Variants in HMGCS1 observed in about 807,000 individuals in gnomAD.
The protein encoded by HMGCS1 is 3-hydroxy-3-methylglutaryl-CoA synthase 1.
In HMGCS1, 9 loss-of-function variants were observed where a neutral mutation model predicts 52.3. That is an observed-to-expected ratio of 0.17 (90% CI 0.10 to 0.30). The LOEUF (loss-of-function observed/expected upper bound fraction) is 0.30, where lower values mean the gene tolerates loss of function less well. Ranked by LOEUF, HMGCS1 falls within the 10% of genes least tolerant of loss-of-function variation. The probability of loss-of-function intolerance (pLI) is 1.00; values close to 1 mark genes in which losing one functional copy is unlikely to be tolerated. For synonymous variants in HMGCS1, 176 were observed against 214.4 expected, an observed-to-expected ratio of 0.82 and a Z score of 1.57; for missense variants, 320 against 620.9, an observed-to-expected ratio of 0.52 and a Z score of 5.15.
chr5:43,305,145 C>G (rs909673398), intron 2 of HMGCS1, among the ~76,000 whole-genome samples: 1 of 152,032 alleles, frequency 6.6e-6, no homozygotes, highest in African/African-American at 2.4e-5. Context: ...TGCCACCACA[C>G]CCAGCTGATT....
intron 2 of HMGCS1, among the ~76,000 whole-genome samples, chr5:43,300,083 C>T (rs987531176): frequency 1.3e-5 from 2 of 152,176 alleles, no homozygotes; most frequent in African/African-American, 4.8e-5. Flanking sequence ...GGTGCTGCCA[C>T]TGACAAGAAC....
Position 43,291,079 on chromosome 5 carries a change from A to ACCCCCCCCCCCCTGCC in HMGCS1, c.*51_*52insGGCAGGGGGGGGGGGG. On this transcript the variant is annotated 3_prime_UTR_variant, in exon 11 of 11. Transcript: ENST00000325110. The stretch of plus-strand genomic sequence containing the variant: ...ATCCCATTCCTCCAACTGTTCCCAT[A>ACCCCCCCCCCCCTGCC]CCCCCACCCCATGCCCACCCCACCC... The ACCCCCCCCCCCCTGCC allele has an allele frequency of 1.3e-6, 1 of 780,104 alleles. No homozygotes were observed. The highest frequency in any genetic ancestry group is 1.8e-5 in the Admixed American group (1 of 56,506). 48.3% of individuals were successfully genotyped at this position (780,104 alleles called of 1,614,324 possible).
intron 10 of HMGCS1, among the ~76,000 whole-genome samples, chr5:43,291,757 CG>C (rs973255348): frequency 6.6e-6 from 1 of 151,950 alleles, no homozygotes; most frequent in Non-Finnish European, 1.5e-5. Flanking sequence ...AATAAGAAAA[CG>C]TAAGTAAAGT....
rs571253406 is a variant in HMGCS1 at position 43,312,207 on chromosome 5, T to A, written c.-70+1149A>T. Among the ~76,000 whole-genome samples, 16 of 152,334 alleles carry A rather than the reference T, an allele frequency of 1.1e-4. 1 individual carries two copies. The South Asian group carries it at 3.1e-3, about 30-fold the overall frequency. On this transcript the variant is annotated intron_variant, in intron 1 of 10. Coordinates refer to ENST00000325110, the MANE Select transcript of HMGCS1 (RefSeq NM_001098272.3). ...TCTGTTAACTCTAGGAGCACTTCCA[T>A]TTGTCTTAATTTTGTTGTTTATCTT...
At position 43,292,526 on chromosome 5, in the gene HMGCS1, T is replaced by A. The variant is rs368814700; in HGVS notation, c.1421A>T (p.Asp474Val). Reference protein sequence around the residue: ...RTYARRPTPNDDTLDEGVGLV... With the variant: ...RTYARRPTPNVDTLDEGVGLV... ...TCCTACTCCTTCATCCAAAGTGTCA[T>A]CATTTGGAGTGGGACGCCGAGCGTA... is the stretch of plus-strand genomic sequence containing the variant. The change falls in exon 10 of 11, where the codon GAT becomes GTT. Residue 474 changes from aspartate (D) to valine (V), a missense_variant. Physicochemically the swap from Asp to Val is radical, Grantham distance 152. Around this residue, in one of 3 missense-constraint regions of HMGCS1, gnomAD observed 213 missense variants for 337.4 expected, o/e 0.63. Transcript: ENST00000325110. 11 of 1,613,908 alleles carry A rather than the reference T, an allele frequency of 6.8e-6. No individual in the cohort carries two copies. In the Admixed American group the frequency reaches 1.3e-4, roughly 20 times the overall value.
At chr5:43,312,121 A>G (rs1303822154) in intron 1 of HMGCS1, among the ~76,000 whole-genome samples, 2 of 152,250 alleles carry the variant, frequency 1.3e-5, no homozygotes, top group African/African-American at 4.8e-5. Flanking sequence ...ACGACTTTCA[A>G]CTGCCTCTCA....
At position 43,298,568 on chromosome 5, in the gene HMGCS1, G is replaced by A; in HGVS notation, c.398C>T (p.Thr133Ile). The stretch of plus-strand genomic sequence containing the variant: ...GTTAACAGCATTGAAGACAGCAGCT[G>A]TGCCTCCATAGCATGCATTAGTTGT... Reference protein sequence around the residue: ...IDTTNACYGGTAAVFNAVNWI... With the variant: ...IDTTNACYGGIAAVFNAVNWI... The change falls in exon 3 of 11, where the codon ACA (threonine) becomes ATA (isoleucine). Residue 133 changes from threonine (T) to isoleucine (I), a missense_variant. Thr to Ile is a moderately conservative substitution (Grantham distance 89). Around this residue, in one of 3 missense-constraint regions of HMGCS1, gnomAD observed 85 missense variants for 260.0 expected, o/e 0.33. Coordinates refer to ENST00000325110, the MANE Select transcript of HMGCS1 (RefSeq NM_001098272.3). The surrounding 1 kb of genome is among the most constrained non-coding windows in gnomAD (Gnocchi z 5.6). 6.2e-7 allele frequency: 1 copy of A among 1,614,138 alleles called. No individual in the cohort carries two copies.
chr5:43,293,221 TA>T (rs1462512710), intron 8 of HMGCS1, among the ~76,000 whole-genome samples: 1 of 152,224 alleles, frequency 6.6e-6, no homozygotes. Flanking sequence ...AAACTATAAA[TA>T]ACTTGTCTAC....
rs1306270416 is a variant in HMGCS1, at chr5:43,289,977, T to C, written c.*1154A>G. 6.6e-6 allele frequency: 1 copy of C among 152,520 alleles called. No individual in the cohort carries two copies. Among genetic ancestry groups the C allele is most frequent in the Non-Finnish European group, 1.5e-5 (1 of 68,012 alleles). The allele number at this position is 152,520 out of a possible 1,614,324, so 9.4% of individuals were successfully genotyped here. A position where few individuals can be genotyped will look rare whatever the true frequency, so the allele number is the denominator to read the frequency against. Reference sequence around the variant, plus strand: ...TCTTCTTATCTATCCTGTGTGATAGTTTTGTTTGTTGTTGTTTTTTAAGGT... The same window carrying C: ...TCTTCTTATCTATCCTGTGTGATAGCTTTGTTTGTTGTTGTTTTTTAAGGT... On this transcript the variant is annotated 3_prime_UTR_variant, in exon 11 of 11. Coordinates refer to ENST00000325110, the MANE Select transcript of HMGCS1 (RefSeq NM_001098272.3).
chr5:43,309,164 A>G (rs1246935181), intron 1 of HMGCS1, among the ~76,000 whole-genome samples: 1 of 151,594 alleles, frequency 6.6e-6, no homozygotes, highest in Non-Finnish European at 1.5e-5. Context: ...TGCATTTGAC[A>G]CTACTTGTAT....
intron 2 of HMGCS1, among the ~76,000 whole-genome samples, chr5:43,306,013 C>A (rs1754556353): frequency 6.6e-6 from 1 of 151,944 alleles, no homozygotes; most frequent in African/African-American, 2.4e-5. Context: ...TTTTTAAATT[C>A]TATCCTTAAA....
Position 43,298,167 on chromosome 5 carries a change from G to T in HMGCS1, c.449-33C>A. The stretch of plus-strand genomic sequence containing the variant: ...ATATTTTTTGTTATTTCACAAGAAG[G>T]AATTCAACACTATAACCAAACATGG... On this transcript the variant is annotated intron_variant, in intron 3 of 10. Coordinates refer to ENST00000325110, the MANE Select transcript of HMGCS1 (RefSeq NM_001098272.3). This position sits in a 1 kb window ranked among gnomAD's most constrained non-coding sequence, Gnocchi z 5.6. 6.3e-7 allele frequency: 1 copy of T among 1,584,424 alleles called. No individual in the cohort carries two copies.
chr5:43,288,923 G>A lies in HMGCS1; in HGVS notation c.*2208C>T, dbSNP rs1407034736. 6.6e-6 allele frequency: 1 copy of A among 152,082 alleles called. No homozygotes were observed. The highest frequency in any genetic ancestry group is 1.5e-5 in the Non-Finnish European group (1 of 68,000). 9.4% of individuals were successfully genotyped at this position (152,082 alleles called of 1,614,324 possible). On this transcript the variant is annotated 3_prime_UTR_variant, in exon 11 of 11. Transcript: ENST00000325110. ...AGGGATTCCTTCTATAAAACCCCTGGGGATCACTAGCAACATGGGACTTTT... is the reference window on the plus strand; with the variant it reads ...AGGGATTCCTTCTATAAAACCCCTGAGGATCACTAGCAACATGGGACTTTT...
intron 2 of HMGCS1, among the ~76,000 whole-genome samples, chr5:43,305,402 G>A (rs1441778302): frequency 6.6e-6 from 1 of 152,194 alleles, no homozygotes; most frequent in African/African-American, 2.4e-5. Context: ...CTAGCTACAG[G>A]TCTGAGGTGC....
Position 43,291,085 on chromosome 5 carries a change from A to ACCCCCAACCCCCCCC in HMGCS1, c.*45_*46insGGGGGGGGTTGGGGG. 1 of 514,254 alleles carries ACCCCCAACCCCCCCC rather than the reference A, an allele frequency of 1.9e-6. No homozygotes were observed. Among genetic ancestry groups the ACCCCCAACCCCCCCC allele is most frequent in the Non-Finnish European group, 3.9e-6 (1 of 255,674 alleles). The allele number at this position is 514,254 out of a possible 1,614,324, so 31.9% of individuals were successfully genotyped here. On this transcript the variant is annotated 3_prime_UTR_variant, in exon 11 of 11. Coordinates refer to ENST00000325110, the MANE Select transcript of HMGCS1 (RefSeq NM_001098272.3). ...TTCCTCCAACTGTTCCCATACCCCCACCCCATGCCCACCCCACCCTGAAGT... is the reference window on the plus strand; with the variant it reads ...TTCCTCCAACTGTTCCCATACCCCCACCCCCAACCCCCCCCCCCCATGCCCACCCCACCCTGAAGT...
intron 2 of HMGCS1, among the ~76,000 whole-genome samples, chr5:43,306,751 C>A (rs977825115): frequency 3.3e-5 from 5 of 152,206 alleles, no homozygotes; most frequent in Non-Finnish European, 7.3e-5. Context: ...TGCCAAGTTT[C>A]TCCTCTATTA....
chr5:43,298,506 C>T lies in HMGCS1; in HGVS notation c.448+12G>A, dbSNP rs1310122620. The T allele has an allele frequency of 3.7e-6, 6 of 1,601,342 alleles. No individual in the cohort carries two copies. Among genetic ancestry groups the T allele is most frequent in the Middle Eastern group, 1.7e-4 (1 of 5,982 alleles). ...ATTTTGGGGGACGGCGGGGAATAGGCATGTAACATACCATCCCAAGAGCTG... is the reference window on the plus strand; with the variant it reads ...ATTTTGGGGGACGGCGGGGAATAGGTATGTAACATACCATCCCAAGAGCTG... On this transcript the variant is annotated intron_variant, in intron 3 of 10. Coordinates refer to ENST00000325110, the MANE Select transcript of HMGCS1 (RefSeq NM_001098272.3). The surrounding 1 kb of genome is among the most constrained non-coding windows in gnomAD (Gnocchi z 5.6).
Position 43,294,008 on chromosome 5 carries a change from C to T in HMGCS1, c.1183+48G>A, listed in dbSNP as rs758780574. 6.4e-6 allele frequency: 8 copies of T among 1,254,168 alleles called. No individual in the cohort carries two copies. The Admixed American group carries it at 1.4e-4, about 21-fold the overall frequency. The allele number at this position is 1,254,168 out of a possible 1,614,324, so 77.7% of individuals were successfully genotyped here. ...GGGATTACGGGTGTGAGCCACTGTG[C>T]CTGGACTCAGTTCTCAATACATTCT... On this transcript the variant is annotated intron_variant, in intron 8 of 10. Coordinates refer to ENST00000325110, the MANE Select transcript of HMGCS1 (RefSeq NM_001098272.3).
intron 4 of HMGCS1, 90 bp downstream of exon 4, chr5:43,297,919 C>A (rs1454891310): frequency 9.2e-7 from 1 of 1,088,572 alleles, no homozygotes; most frequent in Non-Finnish European, 1.3e-6. Context: ...CATTTAATGA[C>A]CATTAAGTAA....
Sources: allele counts gnomAD v4.1 joint callset (sites outside exome capture counted in the v4.1 genomes callset), GRCh38; gene constraint gnomAD v4.1.1; regional missense constraint gnomAD v4.1.1; non-coding constraint Gnocchi (gnomAD v3.1); transcripts MANE v1.5; gene names NCBI Gene and HGNC (gene_info 2026-07-23, HGNC 2026-07-21).